The following GLDN variants were observed in gnomAD, a reference collection of about 807,000 sequenced individuals.
GLDN encodes the protein collomin.
Under a neutral mutation model 56.5 loss-of-function variants are expected in GLDN, and 47 were observed. The ratio of observed to expected loss-of-function variants is 0.83; its 90% CI spans 0.66 to 1.06. The LOEUF (loss-of-function observed/expected upper bound fraction) is 1.06, where lower values mean the gene tolerates loss of function less well. Ranked by LOEUF, GLDN falls within the 50% of genes least tolerant of loss-of-function variation. The pLI is 0.00. For synonymous variants in GLDN, 332 were observed against 278.8 expected, an observed-to-expected ratio of 1.19 and a Z score of -1.90; for missense variants, 782 against 714.3, an observed-to-expected ratio of 1.09 and a Z score of -1.08.
intron 4 of GLDN, among the ~76,000 whole-genome samples, chr15:51,388,028 G>C (rs2037938308): frequency 6.6e-6 from 1 of 152,186 alleles, no homozygotes; most frequent in African/African-American, 2.4e-5. Flanking sequence ...ACCCAGAGTA[G>C]ACTGGGGTGG....
At chr15:51,392,158 G>C (rs1236641554) in intron 4 of GLDN, among the ~76,000 whole-genome samples, 2 of 152,172 alleles carry the variant, frequency 1.3e-5, no homozygotes, top group Non-Finnish European at 2.9e-5. Flanking sequence ...GTAAATGAAA[G>C]GTGCTAAGAG....
rs60404846 is a variant in GLDN, at chr15:51,353,734, A to AAAAAAAC, written c.363+11687_363+11688insAAAAAAC. On this transcript the variant is annotated intron_variant, in intron 1 of 9. Coordinates refer to ENST00000335449, the MANE Select transcript of GLDN (RefSeq NM_181789.4). The stretch of plus-strand genomic sequence containing the variant: ...TTGATTAAAAAAAAAAAAAAAAAAA[A>AAAAAAAC]CCACAGTCAATTAAAAAAAAAAAAA... 2.0e-4 allele frequency among the ~76,000 whole-genome samples: 26 copies of AAAAAAAC among 128,874 alleles called. 1 individual carries two copies. The highest frequency in any genetic ancestry group is 1.1e-3 in the East Asian group (4 of 3,482). 84.5% of individuals were successfully genotyped at this position (128,874 alleles called of 152,430 possible). A position where few individuals can be genotyped will look rare whatever the true frequency, so the allele number is the denominator to read the frequency against.
intron 1 of GLDN, 152 bp downstream of exon 1, chr15:51,342,199 C>G (rs996094910): frequency 2.1e-6 from 2 of 933,732 alleles, no homozygotes; most frequent in African/African-American, 3.4e-5. Context: ...GTCACCTTGG[C>G]AAGCACCTCA....
chr15:51,393,084 C>T (rs2038055585), intron 4 of GLDN, among the ~76,000 whole-genome samples: 2 of 152,282 alleles, frequency 1.3e-5, no homozygotes, highest in South Asian at 4.1e-4. Flanking sequence ...CTTTTCCAGA[C>T]TGAGGAAGTT....
chr15:51,408,403 T>A (rs941306597), downstream of GLDN, among the ~76,000 whole-genome samples: 1 of 152,078 alleles, frequency 6.6e-6, no homozygotes, highest in Non-Finnish European at 1.5e-5. Context: ...AAAACATGTC[T>A]AAAAAAAAGT....
intron 9 of GLDN, among the ~76,000 whole-genome samples, chr15:51,403,930 T>C (rs904685755): frequency 1.3e-4 from 20 of 152,154 alleles, no homozygotes; most frequent in African/African-American, 4.8e-4. Flanking sequence ...TGAGGGGGCA[T>C]TTCAGGAGGT....
At chr15:51,377,655 A>G (rs2141089104) in intron 2 of GLDN, among the ~76,000 whole-genome samples, 155 bp downstream of exon 2, 2 of 152,356 alleles carry the variant, frequency 1.3e-5, no homozygotes, top group Middle Eastern at 6.8e-3. Context: ...CCATTGTAAT[A>G]TGATTATGAA....
At chr15:51,386,769 G>A (rs1251694465) in intron 4 of GLDN, among the ~76,000 whole-genome samples, 3 of 152,152 alleles carry the variant, frequency 2.0e-5, no homozygotes, top group African/African-American at 7.2e-5. Context: ...AGTGGACAGT[G>A]GATACAGGGA....
At chr15:51,386,374 G>T (rs2037893332) in intron 4 of GLDN, among the ~76,000 whole-genome samples, 1 of 152,158 alleles carries the variant, frequency 6.6e-6, no homozygotes. Context: ...GAGCCACATT[G>T]TCCTGTTCAC....
intron 9 of GLDN, 66 bp from the exon 10 acceptor site, chr15:51,404,211 C>A: frequency 1.6e-6 from 2 of 1,242,202 alleles, no homozygotes; most frequent in East Asian, 2.3e-5. Context: ...AATAGAGGAG[C>A]CTAATAAACC....
At position 51,380,821 on chromosome 15, in the gene GLDN, A is replaced by T. The variant is rs926156250; in HGVS notation, c.416-2615A>T. 4.6e-5 allele frequency among the ~76,000 whole-genome samples: 7 copies of T among 152,236 alleles called. No individual in the cohort carries two copies. In the East Asian group the frequency reaches 5.8e-4, roughly 13 times the overall value. ...CTAGACTTTTTACTCTTGCCTTAAG[A>T]CTAGCAGCTCTGGACCTTTTTAGGA... On this transcript the variant is annotated intron_variant, in intron 2 of 9. Transcript: ENST00000335449.
intron 1 of GLDN, among the ~76,000 whole-genome samples, chr15:51,354,852 A>T (rs1272092865): frequency 6.6e-6 from 1 of 152,232 alleles, no homozygotes; most frequent in Admixed American, 6.5e-5. Context: ...TGTTGGTGCA[A>T]TGCAGGAAAG....
intron 1 of GLDN, among the ~76,000 whole-genome samples, chr15:51,361,554 A>T (rs1473164385): frequency 6.6e-6 from 1 of 152,218 alleles, no homozygotes; most frequent in Non-Finnish European, 1.5e-5. Flanking sequence ...ACTGACTTAG[A>T]GAACTGCTCT....
At chr15:51,370,928 G>C (rs2037503757) in intron 1 of GLDN, among the ~76,000 whole-genome samples, 1 of 152,164 alleles carries the variant, frequency 6.6e-6, no homozygotes, top group Non-Finnish European at 1.5e-5. Context: ...CCTCAAGCCG[G>C]AGGTTGCAGT....
chr15:51,386,260 T>A (rs2037890129), intron 4 of GLDN, among the ~76,000 whole-genome samples: 1 of 152,122 alleles, frequency 6.6e-6, no homozygotes, highest in African/African-American at 2.4e-5. Flanking sequence ...AGGAGTTCAT[T>A]GTCCCAGGCC....
At chr15:51,363,095 T>C (rs1717954327) in intron 1 of GLDN, among the ~76,000 whole-genome samples, 1 of 152,184 alleles carries the variant, frequency 6.6e-6, no homozygotes, top group African/African-American at 2.4e-5. Context: ...TTTTGAATGT[T>C]GTTACATTGA....
At chr15:51,403,014 G>C (rs1193556445) in intron 9 of GLDN, among the ~76,000 whole-genome samples, 2 of 152,200 alleles carry the variant, frequency 1.3e-5, no homozygotes, top group African/African-American at 2.4e-5. Flanking sequence ...ATGTTATATA[G>C]GGCTATTGCC....
chr15:51,350,161 G>A (rs1445477200), intron 1 of GLDN, among the ~76,000 whole-genome samples: 3 of 152,182 alleles, frequency 2.0e-5, no homozygotes, highest in Non-Finnish European at 2.9e-5. Flanking sequence ...CCCTAAGAGT[G>A]TTGTTCCATG....
Position 51,397,490 on chromosome 15 carries a change from C to T in GLDN, c.709C>T (p.Pro237Ser). 6.4e-7 allele frequency: 1 copy of T among 1,557,016 alleles called. No homozygotes were observed. The highest frequency in any genetic ancestry group is 1.4e-5 in the African/African-American group (1 of 72,578). The change falls in exon 6 of 10, where the codon CCA becomes TCA. Residue 237 changes from proline (P) to serine (S), a missense_variant. Physicochemically the swap from Pro to Ser is moderately conservative, Grantham distance 74. Coordinates refer to ENST00000335449, the MANE Select transcript of GLDN (RefSeq NM_181789.4). ...TCCAGGTGCCAAAGGTGACCAAGGCCCACCCGGTCCACCTGGGCCCCCAGG... is the reference window on the plus strand; with the variant it reads ...TCCAGGTGCCAAAGGTGACCAAGGCTCACCCGGTCCACCTGGGCCCCCAGG... ...LLAGAKGDQG[P>S]PGPPGPPGPP...
Sources: gnomAD v4.1 joint callset for allele counts (sites outside exome capture counted in the v4.1 genomes callset) on GRCh38, gnomAD v4.1.1 for gene constraint, MANE v1.5 for transcripts, NCBI Gene and HGNC (gene_info 2026-07-23, HGNC 2026-07-21) for gene names.